The following CAPN13 variants were observed in gnomAD, a reference collection of about 807,000 sequenced individuals.
The protein encoded by CAPN13 is calpain-13.
CAPN13 carries 90 observed loss-of-function variants against 98.4 expected under a neutral mutation model. The observed-to-expected ratio is 0.92, with a 90% confidence interval of 0.77 to 1.09. The LOEUF (loss-of-function observed/expected upper bound fraction) is 1.09, where lower values mean the gene tolerates loss of function less well. CAPN13 is among the 50% of genes least tolerant of loss of function. The pLI is 0.00. For synonymous variants in CAPN13, 330 were observed against 305.5 expected (o/e 1.08, Z -0.84); for missense variants, 887 against 841.3 (o/e 1.05, Z -0.67).
chr2:30,762,791 C>G (rs77535373), intron 7 of CAPN13, among the ~76,000 whole-genome samples: 6 of 152,222 alleles, frequency 3.9e-5, no homozygotes, highest in African/African-American at 1.4e-4. Context: ...ATTCTACCTC[C>G]TTTGGGGCTA....
At chr2:30,773,264 A>T (rs1275249616) in intron 4 of CAPN13, among the ~76,000 whole-genome samples, 1 of 152,270 alleles carries the variant, frequency 6.6e-6, no homozygotes, top group Non-Finnish European at 1.5e-5. Context: ...CTTTTCAGGA[A>T]AGGAAACGTG....
intron 8 of CAPN13, among the ~76,000 whole-genome samples, chr2:30,756,550 C>T (rs536073113): frequency 4.5e-4 from 69 of 152,330 alleles, no homozygotes; most frequent in Non-Finnish European, 9.1e-4. Context: ...TCTTCTCCTA[C>T]CCCAGGGAAT....
chr2:30,797,356 G>T (rs1162511986), intron 1 of CAPN13, among the ~76,000 whole-genome samples: 1 of 152,166 alleles, frequency 6.6e-6, no homozygotes, highest in Non-Finnish European at 1.5e-5. Flanking sequence ...GGAAAAAGAG[G>T]CAGCATGGAA....
At chr2:30,725,161 C>T (rs1304138842) in intron 22 of CAPN13, among the ~76,000 whole-genome samples, 1 of 152,154 alleles carries the variant, frequency 6.6e-6, no homozygotes, top group Non-Finnish European at 1.5e-5. Flanking sequence ...ACTCTGAAAT[C>T]AATTAAAATC....
chr2:30,735,537 AC>A (rs1671320361), intron 18 of CAPN13, among the ~76,000 whole-genome samples: 1 of 152,014 alleles, frequency 6.6e-6, no homozygotes, highest in African/African-American at 2.4e-5. Flanking sequence ...AGCATTTTGA[AC>A]CCCTGCTGTG....
intron 22 of CAPN13, among the ~76,000 whole-genome samples, chr2:30,729,128 G>A (rs1327994423): frequency 6.6e-6 from 1 of 152,194 alleles, no homozygotes; most frequent in Non-Finnish European, 1.5e-5. Context: ...TGGGGAGATA[G>A]TTACAGAGGA....
intron 15 of CAPN13, among the ~76,000 whole-genome samples, chr2:30,740,406 T>C (rs2147965221): frequency 6.6e-6 from 1 of 152,352 alleles, no homozygotes; most frequent in East Asian, 1.9e-4. Flanking sequence ...ATTGTATTAG[T>C]TTAAATCTAG....
intron 8 of CAPN13, among the ~76,000 whole-genome samples, chr2:30,754,964 T>A (rs1396137313): frequency 6.6e-6 from 1 of 152,122 alleles, no homozygotes; most frequent in Non-Finnish European, 1.5e-5. Flanking sequence ...TTAAAACCTA[T>A]CAGTGGTTCC....
At chr2:30,778,018 A>C (rs1293898479) in intron 2 of CAPN13, among the ~76,000 whole-genome samples, 1 of 152,260 alleles carries the variant, frequency 6.6e-6, no homozygotes, top group Non-Finnish European at 1.5e-5. Flanking sequence ...TATAAACATA[A>C]TAAAGTACTA....
At chr2:30,767,355 T>C (rs1038658556) in intron 5 of CAPN13, among the ~76,000 whole-genome samples, 1 of 152,202 alleles carries the variant, frequency 6.6e-6, no homozygotes, top group African/African-American at 2.4e-5. Flanking sequence ...CCTCTGCAGA[T>C]TTCTTTAAGC....
chr2:30,764,356 C>G, intron 5 of CAPN13, 50 bp from the exon 6 acceptor site: 1 of 1,591,038 alleles, frequency 6.3e-7, no homozygotes, highest in East Asian at 2.2e-5. Context: ...GTGAGATGCT[C>G]TGGGAGGGGA....
chr2:30,800,194 T>C (rs1675187549), intron 1 of CAPN13, among the ~76,000 whole-genome samples: 1 of 116,060 alleles, frequency 8.6e-6, no homozygotes, highest in Non-Finnish European at 1.9e-5. Context: ...GAAAGAAAAC[T>C]ACGTAGACCT....
intron 1 of CAPN13, among the ~76,000 whole-genome samples, chr2:30,806,445 T>A (rs778609758): frequency 6.6e-6 from 1 of 152,184 alleles, no homozygotes; most frequent in Non-Finnish European, 1.5e-5. Context: ...ACAATACTTA[T>A]GTCAAGGTGG....
chr2:30,802,853 C>T (rs1266002434), intron 1 of CAPN13, among the ~76,000 whole-genome samples: 22 of 152,180 alleles, frequency 1.4e-4, no homozygotes, highest in Admixed American at 9.8e-4. Flanking sequence ...GCCTATGTTC[C>T]AGAACAGGCA....
At chr2:30,778,546 A>G (rs186119850) in intron 2 of CAPN13, among the ~76,000 whole-genome samples, 6 of 152,314 alleles carry the variant, frequency 3.9e-5, no homozygotes, top group Admixed American at 2.6e-4. Context: ...ACATTGACCA[A>G]TAAGTCTGCA....
intron 11 of CAPN13, chr2:30,746,586 T>C: frequency 5.4e-6 from 1 of 185,196 alleles, no homozygotes; most frequent in Admixed American, 5.4e-5. Context: ...CCCACACATC[T>C]CCCCATGCTT....
intron 22 of CAPN13, among the ~76,000 whole-genome samples, chr2:30,724,674 C>T (rs754746470): frequency 3.9e-5 from 6 of 152,216 alleles, no homozygotes; most frequent in African/African-American, 7.2e-5. Context: ...CAGGTGTATG[C>T]TTGCCAATGG....
intron 20 of CAPN13, 124 bp downstream of exon 20, chr2:30,732,314 G>T (rs1439959263): frequency 7.2e-6 from 9 of 1,254,182 alleles, no homozygotes; most frequent in East Asian, 4.9e-5. Context: ...CCTCACACAG[G>T]CTGCTGGCCC....
At chr2:30,800,132 G>GAAAGAAAGAA (rs1675148073) in intron 1 of CAPN13, among the ~76,000 whole-genome samples, 1 of 138,682 alleles carries the variant, frequency 7.2e-6, no homozygotes, top group Non-Finnish European at 1.5e-5. Flanking sequence ...AAGAAAGAAA[G>GAAAGAAAGAA]AAAGAAAGAA....
Sources: gnomAD v4.1 joint callset for allele counts (sites outside exome capture counted in the v4.1 genomes callset) on GRCh38, gnomAD v4.1.1 for gene constraint, MANE v1.5 for transcripts, NCBI Gene and HGNC (gene_info 2026-07-23, HGNC 2026-07-21) for gene names.